Variants in SULF2 observed in about 807,000 individuals in gnomAD.
The protein encoded by SULF2 is extracellular sulfatase Sulf-2.
In SULF2, 52 loss-of-function variants were observed where a neutral mutation model predicts 107.7. That is an observed-to-expected ratio of 0.48 (90% confidence interval 0.39 to 0.61). The LOEUF is 0.61. SULF2 is among the 20% of genes least tolerant of loss of function. The pLI is 0.00. For synonymous variants in SULF2, 460 were observed against 464.3 expected (o/e 0.99, Z 0.12); for missense variants, 993 against 1,177.3 (o/e 0.84, Z 2.29).
chr20:47,729,237 G>A (rs1044727615), intron 3 of SULF2, among the ~76,000 whole-genome samples: 1 of 152,220 alleles, frequency 6.6e-6, no homozygotes, highest in Non-Finnish European at 1.5e-5. Flanking sequence ...CAGTGACTGA[G>A]GGGAGACCAG....
At position 47,666,114 on chromosome 20, in the gene SULF2, G is replaced by T. The variant is rs574999938; in HGVS notation, c.1805+146C>A. ...GATGTGTCACTTTAATGGGGTTGGCGGCTGAATAGTCGGGAAGGCCTCCAG... is the reference window on the plus strand; with the variant it reads ...GATGTGTCACTTTAATGGGGTTGGCTGCTGAATAGTCGGGAAGGCCTCCAG... On this transcript the variant is annotated intron_variant, in intron 12 of 20. Coordinates refer to ENST00000688720, the MANE Select transcript of SULF2 (RefSeq NM_001387048.1). This position sits in a 1 kb window ranked among gnomAD's most constrained non-coding sequence, Gnocchi z 5.4. 1.9e-6 allele frequency: 3 copies of T among 1,612,446 alleles called. No homozygotes were observed. Among genetic ancestry groups the T allele is most frequent in the Non-Finnish European group, 2.5e-6 (3 of 1,179,316 alleles).
intron 11 of SULF2, among the ~76,000 whole-genome samples, chr20:47,668,058 C>T (rs765753167): frequency 2.9e-4 from 44 of 152,328 alleles, no homozygotes; most frequent in South Asian, 6.2e-4. Flanking sequence ...TTTAGTCTCC[C>T]GATGCAAGTA....
At chr20:47,679,438 G>A (rs1246621395) in intron 7 of SULF2, among the ~76,000 whole-genome samples, 1 of 152,196 alleles carries the variant, frequency 6.6e-6, no homozygotes, top group African/African-American at 2.4e-5. Flanking sequence ...GGGTTGTGAA[G>A]GTGATGGGCT....
chr20:47,779,722 G>A (rs1600699912), intron 1 of SULF2, among the ~76,000 whole-genome samples: 3 of 152,092 alleles, frequency 2.0e-5, no homozygotes, highest in African/African-American at 7.2e-5. Context: ...TTCTCCTGCT[G>A]CAGCCTCCCG....
intron 2 of SULF2, among the ~76,000 whole-genome samples, chr20:47,740,598 G>A (rs1156587484): frequency 1.3e-5 from 2 of 152,132 alleles, no homozygotes; most frequent in Non-Finnish European, 1.5e-5. Flanking sequence ...TCTACTTAGG[G>A]CAAGTAACCT....
chr20:47,719,131 A>G (rs886408596), intron 3 of SULF2, among the ~76,000 whole-genome samples: 1 of 152,240 alleles, frequency 6.6e-6, no homozygotes, highest in Middle Eastern at 3.2e-3. Flanking sequence ...ACTTCTTAAA[A>G]TATCATTTGA....
chr20:47,751,677 A>G (rs1397231135), intron 2 of SULF2, among the ~76,000 whole-genome samples: 3 of 152,276 alleles, frequency 2.0e-5, no homozygotes, highest in Middle Eastern at 3.4e-3. Context: ...CTGAAGCTCA[A>G]TGTATACTTG....
intron 1 of SULF2, among the ~76,000 whole-genome samples, chr20:47,784,118 G>A (rs1568940122): frequency 6.6e-6 from 1 of 152,248 alleles, no homozygotes; most frequent in Non-Finnish European, 1.5e-5. Flanking sequence ...CGTCTCTCCT[G>A]CTCCCTGTCT....
At chr20:47,739,758 A>G (rs1381623924) in intron 2 of SULF2, among the ~76,000 whole-genome samples, 2 of 152,282 alleles carry the variant, frequency 1.3e-5, no homozygotes, top group Non-Finnish European at 2.9e-5. Flanking sequence ...TGCCTGGCAC[A>G]TAATGTGCTC....
intron 3 of SULF2, among the ~76,000 whole-genome samples, chr20:47,710,751 T>C (rs1442990205): frequency 6.6e-6 from 1 of 152,102 alleles, no homozygotes; most frequent in African/African-American, 2.4e-5. Flanking sequence ...TTGGAGAGGA[T>C]CACTAGCTCC....
At chr20:47,740,203 G>A (rs1195561685) in intron 2 of SULF2, among the ~76,000 whole-genome samples, 1 of 152,234 alleles carries the variant, frequency 6.6e-6, no homozygotes, top group Non-Finnish European at 1.5e-5. Flanking sequence ...TTTGACAGAA[G>A]AGGGAACTGA....
chr20:47,783,781 G>A (rs932999515), intron 1 of SULF2, among the ~76,000 whole-genome samples: 2 of 152,104 alleles, frequency 1.3e-5, no homozygotes, highest in Non-Finnish European at 2.9e-5. Flanking sequence ...GGTCCAACAT[G>A]CCATCTGCCA....
At position 47,679,458 on chromosome 20, in the gene SULF2, G is replaced by A. The variant is rs963388095; in HGVS notation, c.1065-654C>T. Among the ~76,000 whole-genome samples the A allele has an allele frequency of 7.9e-5, 12 of 152,316 alleles. No individual in the cohort carries two copies. The South Asian group carries it at 1.7e-3, about 21-fold the overall frequency. Reference sequence around the variant, plus strand: ...GTGAAGGTGATGGGCTGTCACTCCCGTGGTTGTGTTATGAGATAGTCAACT... The same window carrying A: ...GTGAAGGTGATGGGCTGTCACTCCCATGGTTGTGTTATGAGATAGTCAACT... On this transcript the variant is annotated intron_variant, in intron 7 of 20. Transcript: ENST00000688720.
intron 3 of SULF2, among the ~76,000 whole-genome samples, chr20:47,713,955 G>C (rs929044158): frequency 2.6e-5 from 4 of 152,098 alleles, no homozygotes; most frequent in African/African-American, 9.6e-5. Context: ...GCTTGGGGAG[G>C]AGTGTTCATG....
chr20:47,661,748 G>A, intron 18 of SULF2, 25 bp downstream of exon 18: 1 of 1,507,560 alleles, frequency 6.6e-7, no homozygotes, highest in Non-Finnish European at 9.0e-7. Context: ...CTGTCCAAGG[G>A]CCCCACGTTG....
intron 17 of SULF2, 94 bp from the exon 18 acceptor site, chr20:47,661,990 C>T (rs992450162): frequency 2.3e-5 from 30 of 1,305,124 alleles, no homozygotes; most frequent in African/African-American, 4.5e-5. Context: ...AGGCAGGTGG[C>T]GGGTGGAAGG....
At chr20:47,674,144 C>T (rs1456084456) in intron 10 of SULF2, among the ~76,000 whole-genome samples, 1 of 152,270 alleles carries the variant, frequency 6.6e-6, no homozygotes, top group Non-Finnish European at 1.5e-5. Context: ...AATATGTGGC[C>T]TGCAAAGCCC....
intron 4 of SULF2, among the ~76,000 whole-genome samples, chr20:47,693,392 T>C (rs73313914): frequency 0.021 from 3,200 of 152,278 alleles, 113 homozygotes; most frequent in African/African-American, 0.073. Context: ...ACCGTTGCTC[T>C]TCATAACAGA....
chr20:47,746,441 C>A (rs2090037565), intron 2 of SULF2, among the ~76,000 whole-genome samples: 1 of 152,196 alleles, frequency 6.6e-6, no homozygotes, highest in Admixed American at 6.5e-5. Flanking sequence ...CATTCAGCAG[C>A]CCTCTCCTGG....
Sources: allele counts gnomAD v4.1 joint callset (sites outside exome capture counted in the v4.1 genomes callset), GRCh38; gene constraint gnomAD v4.1.1; non-coding constraint Gnocchi (gnomAD v3.1); transcripts MANE v1.5; gene names NCBI Gene and HGNC (gene_info 2026-07-23, HGNC 2026-07-21).